The following PRICKLE2 variants were observed in gnomAD, a reference collection of about 807,000 sequenced individuals.
PRICKLE2 encodes the protein prickle-like protein 2.
Under a neutral mutation model 81.4 loss-of-function variants are expected in PRICKLE2, and 21 were observed. That is an observed-to-expected ratio of 0.26 (90% CI 0.18 to 0.37). PRICKLE2 has a LOEUF of 0.37. Ranked by LOEUF, PRICKLE2 falls within the 10% of genes least tolerant of loss-of-function variation. PRICKLE2 has a pLI of 1.00. For missense variants in PRICKLE2, 940 were observed against 1,109.0 expected (o/e 0.85, Z 2.16); for synonymous variants, 456 against 421.5 (o/e 1.08, Z -1.00).
At chr3:64,159,172 G>A (rs952765556) in intron 4 of PRICKLE2, among the ~76,000 whole-genome samples, 9 of 152,136 alleles carry the variant, frequency 5.9e-5, no homozygotes, top group African/African-American at 2.2e-4. Context: ...AGGTCCCAGG[G>A]AGAATGCCTC....
intron 2 of PRICKLE2, among the ~76,000 whole-genome samples, chr3:64,265,988 G>A (rs113275825): frequency 2.6e-4 from 40 of 152,154 alleles, no homozygotes; most frequent in African/African-American, 8.9e-4. Context: ...GTACAACCCC[G>A]AAAATAAAAA....
At chr3:64,260,406 T>G (rs2079599171) in intron 2 of PRICKLE2, among the ~76,000 whole-genome samples, 1 of 152,182 alleles carries the variant, frequency 6.6e-6, no homozygotes, top group Admixed American at 6.5e-5. Context: ...AAATCTAACA[T>G]TCTCTAATTC....
intron 7 of PRICKLE2, chr3:64,102,859 G>C (rs2106940744): frequency 6.6e-6 from 1 of 152,314 alleles, no homozygotes; most frequent in Non-Finnish European, 1.5e-5. Flanking sequence ...GATAATGTGG[G>C]AGAAGATCTT....
chr3:64,237,691 G>A (rs115259966), intron 2 of PRICKLE2, among the ~76,000 whole-genome samples: 1,837 of 152,152 alleles, frequency 0.012, 36 homozygotes, highest in African/African-American at 0.041. Flanking sequence ...TTTGGGCCAC[G>A]CATCCAGGCT....
In PRICKLE2 at chr3:64,215,582, C is replaced by A. The variant is rs982824465; in HGVS notation, c.-41+9328G>T. 2.6e-5 allele frequency among the ~76,000 whole-genome samples: 4 copies of A among 152,040 alleles called. No individual in the cohort carries two copies. The South Asian group carries it at 8.3e-4, about 32-fold the overall frequency. ...AGCTACTAACAAGATATGACCAAAG[C>A]GTAAATTTTATTTTTCATATTTATT... On this transcript the variant is annotated intron_variant, in intron 1 of 7. Transcript: ENST00000638394.
chr3:64,208,326 A>C (rs1253189996), intron 1 of PRICKLE2, among the ~76,000 whole-genome samples: 6 of 152,246 alleles, frequency 3.9e-5, no homozygotes, highest in African/African-American at 1.4e-4. Flanking sequence ...GAGCTATCAC[A>C]AAAAGCACAA....
At chr3:64,107,699 T>G (rs1433512235) in intron 7 of PRICKLE2, among the ~76,000 whole-genome samples, 2 of 152,078 alleles carry the variant, frequency 1.3e-5, no homozygotes, top group African/African-American at 2.4e-5. Context: ...AACAGAAAAT[T>G]AGCCAGGCAT....
rs367649199 is a variant in PRICKLE2 at position 64,222,800 on chromosome 3, C to T, written c.-41+2110G>A. 3.9e-5 allele frequency among the ~76,000 whole-genome samples: 6 copies of T among 152,346 alleles called. No individual in the cohort carries two copies. In the East Asian group the frequency reaches 7.7e-4, roughly 20 times the overall value. On this transcript the variant is annotated intron_variant, in intron 1 of 7. Coordinates refer to ENST00000638394, the MANE Select transcript of PRICKLE2 (RefSeq NM_198859.4). ...AAGAATTAAGAAAGAAAAGGACTGT[C>T]TCTCACATGCATAGGTGAAGCAGAA... is the stretch of plus-strand genomic sequence containing the variant.
At chr3:64,161,907 C>T (rs527822318) in intron 3 of PRICKLE2, among the ~76,000 whole-genome samples, 99 of 152,202 alleles carry the variant, frequency 6.5e-4, no homozygotes, top group African/African-American at 2.2e-3. Flanking sequence ...GGTTACAATG[C>T]TTGCTCTCAA....
intron 7 of PRICKLE2, among the ~76,000 whole-genome samples, chr3:64,139,487 A>G (rs2077327818): frequency 6.6e-6 from 1 of 152,126 alleles, no homozygotes; most frequent in Non-Finnish European, 1.5e-5. Context: ...ATTAACCTTC[A>G]CCTCTAGCCT....
At chr3:64,161,068 T>G (rs574473272) in intron 3 of PRICKLE2, among the ~76,000 whole-genome samples, 12 of 152,286 alleles carry the variant, frequency 7.9e-5, no homozygotes, top group Admixed American at 6.5e-4. Flanking sequence ...CAGGAAATCC[T>G]AAAACAGAGA....
intron 2 of PRICKLE2, among the ~76,000 whole-genome samples, chr3:64,194,699 C>A (rs1575649305): frequency 6.6e-6 from 1 of 152,294 alleles, no homozygotes; most frequent in Middle Eastern, 3.4e-3. Flanking sequence ...ATCATCCTAG[C>A]ACCTCAAAGA....
At chr3:64,258,062 A>G (rs2079554990) in intron 2 of PRICKLE2, among the ~76,000 whole-genome samples, 1 of 152,150 alleles carries the variant, frequency 6.6e-6, no homozygotes, top group Non-Finnish European at 1.5e-5. Flanking sequence ...CAGAACGTAA[A>G]AGAAAATCTG....
chr3:64,160,316 C>G (rs182978038), intron 3 of PRICKLE2, among the ~76,000 whole-genome samples: 145 of 152,312 alleles, frequency 9.5e-4, no homozygotes, highest in Admixed American at 1.8e-3. Flanking sequence ...GGATCCCAAG[C>G]CTTGGGCAGG....
At chr3:64,236,555 G>A (rs181485002) in intron 2 of PRICKLE2, among the ~76,000 whole-genome samples, 96 of 152,300 alleles carry the variant, frequency 6.3e-4, no homozygotes, top group African/African-American at 2.3e-3. Flanking sequence ...TCAAACCATT[G>A]AACTGGATCC....
At chr3:64,255,118 C>A (rs1217144421) in intron 2 of PRICKLE2, among the ~76,000 whole-genome samples, 3 of 152,184 alleles carry the variant, frequency 2.0e-5, no homozygotes, top group African/African-American at 7.2e-5. Context: ...TGGCCAAATT[C>A]CAAGCCATAG....
At chr3:64,220,057 CAT>C (rs1449638231) in intron 1 of PRICKLE2, among the ~76,000 whole-genome samples, 1 of 152,194 alleles carries the variant, frequency 6.6e-6, no homozygotes, top group Non-Finnish European at 1.5e-5. Flanking sequence ...TACACAGACA[CAT>C]AGACACCCAA....
At chr3:64,181,770 T>A (rs2078139305) in intron 2 of PRICKLE2, among the ~76,000 whole-genome samples, 1 of 152,190 alleles carries the variant, frequency 6.6e-6, no homozygotes, top group African/African-American at 2.4e-5. Flanking sequence ...ATTCATATGA[T>A]TTTGTTTTAA....
At chr3:64,145,083 A>G (rs955968265) in intron 7 of PRICKLE2, among the ~76,000 whole-genome samples, 4 of 147,664 alleles carry the variant, frequency 2.7e-5, no homozygotes, top group African/African-American at 1.0e-4. Context: ...AAAATATTAA[A>G]TCAATAATAT....
Sources: gnomAD v4.1 joint callset for allele counts (sites outside exome capture counted in the v4.1 genomes callset) on GRCh38, gnomAD v4.1.1 for gene constraint, MANE v1.5 for transcripts, NCBI Gene and HGNC (gene_info 2026-07-23, HGNC 2026-07-21) for gene names.